AK4: variants seen among roughly 807,000 people sequenced by gnomAD.
The protein encoded by AK4 is adenylate kinase 4.
A neutral mutation model predicts 24.6 loss-of-function variants in AK4; 13 were observed. The observed-to-expected ratio is 0.53, with a 90% CI of 0.34 to 0.84. The LOEUF (loss-of-function observed/expected upper bound fraction) is 0.84. Among genes scored for constraint, AK4 ranks in the 40% least tolerant of loss-of-function variants. AK4 has a pLI of 0.01. For missense variants in AK4, 192 were observed against 288.2 expected (o/e 0.67, Z 2.42); for synonymous variants, 88 against 107.0 (o/e 0.82, Z 1.10).
At chr1:65,160,711 C>T (rs1650131332) in intron 1 of AK4, among the ~76,000 whole-genome samples, 1 of 152,136 alleles carries the variant, frequency 6.6e-6, no homozygotes, top group Non-Finnish European at 1.5e-5. Flanking sequence ...ACTCCTGTCT[C>T]ATCCTCCAGA....
intron 2 of AK4, among the ~76,000 whole-genome samples, chr1:65,214,436 A>C (rs745741925): frequency 9.2e-5 from 14 of 152,118 alleles, no homozygotes; most frequent in Non-Finnish European, 1.9e-4. Context: ...GATGAAACTA[A>C]GGATCTGAGA....
At chr1:65,169,856 A>AT (rs917289598) in intron 1 of AK4, among the ~76,000 whole-genome samples, 2 of 150,712 alleles carry the variant, frequency 1.3e-5, no homozygotes, top group Admixed American at 1.3e-4. Context: ...TTAAAGTATT[A>AT]TTTTTTCTTG....
intron 2 of AK4, among the ~76,000 whole-genome samples, chr1:65,198,181 A>T (rs576828295): frequency 3.5e-4 from 53 of 152,324 alleles, no homozygotes; most frequent in African/African-American, 1.2e-3. Flanking sequence ...AGTGATGTAT[A>T]TTCTGGTATC....
intron 2 of AK4, among the ~76,000 whole-genome samples, chr1:65,199,332 G>A (rs1328909634): frequency 2.0e-5 from 3 of 151,984 alleles, no homozygotes; most frequent in Admixed American, 6.6e-5. Flanking sequence ...GGCGAGTCAC[G>A]AGGTCAGGAG....
At chr1:65,154,463 G>C in intron 1 of AK4, 1 of 507,914 alleles carries the variant, frequency 2.0e-6, no homozygotes. Flanking sequence ...TTATCTTGTT[G>C]CACTCCTGAC....
At position 65,224,829 on chromosome 1, in the gene AK4, A is replaced by G. The variant is rs749275744; in HGVS notation, c.516A>G (p.Arg172=). Residue 172 remains arginine (R), a synonymous_variant, in exon 4 of 5, where the codon AGA becomes AGG. Coordinates refer to ENST00000327299, the MANE Select transcript of AK4 (RefSeq NM_013410.4). ...CCGAAGCAGTTGCTGCCAGGCTAAGACAGTACAAAGACGTGGCAAAGCCAG... is the reference window on the plus strand; with the variant it reads ...CCGAAGCAGTTGCTGCCAGGCTAAGGCAGTACAAAGACGTGGCAAAGCCAG... ...DKPEAVAARL[R]QYKDVAKPVI... 2.5e-6 allele frequency: 4 copies of G among 1,613,980 alleles called. No homozygotes were observed.
chr1:65,160,892 A>C (rs1265540513), intron 1 of AK4, among the ~76,000 whole-genome samples: 2 of 152,076 alleles, frequency 1.3e-5, no homozygotes, highest in Non-Finnish European at 2.9e-5. Flanking sequence ...ACCACACTGC[A>C]GGGGAGGAGC....
At chr1:65,152,806 A>G (rs2100979310) in intron 1 of AK4, among the ~76,000 whole-genome samples, 1 of 152,304 alleles carries the variant, frequency 6.6e-6, no homozygotes, top group South Asian at 2.1e-4. Context: ...GGCCTAGTTC[A>G]GAGGGCTCAG....
chr1:65,220,556 A>G (rs1321365810), intron 3 of AK4, among the ~76,000 whole-genome samples: 1 of 152,162 alleles, frequency 6.6e-6, no homozygotes, highest in African/African-American at 2.4e-5. Flanking sequence ...GCTCACTGCA[A>G]CGTCCGCCTC....
intron 1 of AK4, among the ~76,000 whole-genome samples, chr1:65,189,677 A>ACACCCC (rs1553124628): frequency 6.6e-6 from 1 of 150,764 alleles, no homozygotes; most frequent in African/African-American, 2.5e-5. Flanking sequence ...ACACACACAC[A>ACACCCC]CCCCACACAT....
At chr1:65,173,534 C>G (rs1040154763) in intron 1 of AK4, among the ~76,000 whole-genome samples, 6 of 152,150 alleles carry the variant, frequency 3.9e-5, no homozygotes, top group Non-Finnish European at 7.3e-5. Context: ...GGAAAGGCTG[C>G]CCTTTCTGTA....
chr1:65,172,537 A>T (rs1650570205), intron 1 of AK4, among the ~76,000 whole-genome samples: 1 of 152,190 alleles, frequency 6.6e-6, no homozygotes. Context: ...ATCAAATAAG[A>T]TGCAGAGACT....
At position 65,205,234 on chromosome 1, in the gene AK4, AT is replaced by A. The variant is rs573303076; in HGVS notation, c.266-13516del. Among the ~76,000 whole-genome samples, 332 of 151,992 alleles carry A rather than the reference AT, an allele frequency of 2.2e-3. 4 individuals carry two copies. Among genetic ancestry groups the A allele is most frequent in the African/African-American group, 7.5e-3 (313 of 41,462 alleles). ...TTCTTCTGGCCTGGTTCCCCATTTT[AT>A]TTTATTTTTATTTGTTAAATAGAGA... On this transcript the variant is annotated intron_variant, in intron 2 of 4. Coordinates refer to ENST00000327299, the MANE Select transcript of AK4 (RefSeq NM_013410.4).
intron 1 of AK4, among the ~76,000 whole-genome samples, chr1:65,172,067 A>ATG (rs1650547221): frequency 4.1e-5 from 1 of 24,368 alleles, no homozygotes; most frequent in Non-Finnish European, 6.3e-5. Flanking sequence ...TCTCAAGTAT[A>ATG]TATATATATA....
intron 1 of AK4, among the ~76,000 whole-genome samples, chr1:65,149,515 T>A (rs1209340525): frequency 6.6e-6 from 1 of 152,202 alleles, no homozygotes; most frequent in Non-Finnish European, 1.5e-5. Context: ...TGAAAAGTTG[T>A]TCTTCCCAGC....
chr1:65,208,163 G>A (rs1343354226), intron 2 of AK4, among the ~76,000 whole-genome samples: 1 of 152,194 alleles, frequency 6.6e-6, no homozygotes, highest in East Asian at 1.9e-4. Flanking sequence ...GTGTGTAAGT[G>A]TTCCTGTTTC....
chr1:65,201,902 C>T (rs1382819680), intron 2 of AK4, among the ~76,000 whole-genome samples: 8 of 152,100 alleles, frequency 5.3e-5, no homozygotes, highest in Non-Finnish European at 1.0e-4. Context: ...AGTTGGGTAA[C>T]CCTGGAGCTA....
At chr1:65,172,161 G>C (rs1650559248) in intron 1 of AK4, among the ~76,000 whole-genome samples, 1 of 143,592 alleles carries the variant, frequency 7.0e-6, no homozygotes, top group Admixed American at 7.1e-5. Flanking sequence ...TAAAACGTAA[G>C]CTTTACGTTT....
chr1:65,168,109 G>T (rs1199556806), intron 1 of AK4, among the ~76,000 whole-genome samples: 1 of 150,082 alleles, frequency 6.7e-6, no homozygotes, highest in African/African-American at 2.5e-5. Context: ...AAGTGTGGTA[G>T]AACCACTGTA....
Sources: allele counts gnomAD v4.1 joint callset (sites outside exome capture counted in the v4.1 genomes callset), GRCh38; gene constraint gnomAD v4.1.1; transcripts MANE v1.5; gene names NCBI Gene and HGNC (gene_info 2026-07-23, HGNC 2026-07-21).